Variants in CDH13 observed in about 807,000 individuals in gnomAD.
The protein encoded by CDH13 is cadherin-13.
Under a neutral mutation model 63.8 loss-of-function variants are expected in CDH13, and 24 were observed. That is an observed-to-expected ratio of 0.38 (90% CI 0.27 to 0.53). CDH13 has a LOEUF of 0.53. Ranked by LOEUF, CDH13 falls within the 20% of genes least tolerant of loss-of-function variation. CDH13 has a pLI of 0.85. For synonymous variants in CDH13, 503 were observed against 355.3 expected, an observed-to-expected ratio of 1.42 and a Z score of -4.67; for missense variants, 1,049 against 903.1, an observed-to-expected ratio of 1.16 and a Z score of -2.07.
intron 3 of CDH13, among the ~76,000 whole-genome samples, chr16:83,053,303 G>A (rs960127386): frequency 3.9e-5 from 6 of 152,174 alleles, no homozygotes; most frequent in East Asian, 3.9e-4. Flanking sequence ...ATTAGGTCTC[G>A]GGAGGTGTCA....
chr16:82,818,139 T>TGTGTGTGTG (rs1555523731), intron 1 of CDH13, among the ~76,000 whole-genome samples: 1 of 151,346 alleles, frequency 6.6e-6, no homozygotes, highest in African/African-American at 2.4e-5. Context: ...TGTGTGTGTG[T>TGTGTGTGTG]TTTGGGAAGA....
At chr16:83,108,486 A>G (rs569538625) in intron 3 of CDH13, among the ~76,000 whole-genome samples, 35 of 152,220 alleles carry the variant, frequency 2.3e-4, no homozygotes, top group Non-Finnish European at 4.8e-4. Context: ...CCCGCCTCAT[A>G]GATTGAATCC....
chr16:83,468,522 A>T (rs2073374596), intron 6 of CDH13, among the ~76,000 whole-genome samples: 1 of 152,216 alleles, frequency 6.6e-6, no homozygotes, highest in African/African-American at 2.4e-5. Flanking sequence ...CATCCCCAGG[A>T]AATAGATTTA....
At chr16:83,707,898 C>G (rs1168261943) in intron 10 of CDH13, among the ~76,000 whole-genome samples, 2 of 137,540 alleles carry the variant, frequency 1.5e-5, no homozygotes, top group African/African-American at 2.7e-5. Context: ...GGCAAGAATA[C>G]TTTATTTTCC....
chr16:83,565,194 C>T (rs555948611), intron 7 of CDH13, among the ~76,000 whole-genome samples: 2 of 152,146 alleles, frequency 1.3e-5, no homozygotes, highest in Admixed American at 6.5e-5. Flanking sequence ...ATTCAGATCT[C>T]GCCCAAGGCT....
chr16:83,694,986 C>T (rs773755090), intron 10 of CDH13, among the ~76,000 whole-genome samples: 7 of 152,104 alleles, frequency 4.6e-5, no homozygotes, highest in Non-Finnish European at 8.8e-5. Flanking sequence ...GTGGGCAGAT[C>T]ACTTGAGATC....
Position 83,799,410 on chromosome 16 carries a change from G to A in CDH13, c.*4380G>A, listed in dbSNP as rs1217211910. On this transcript the variant is annotated 3_prime_UTR_variant, in exon 14 of 14. Transcript: ENST00000567109. ...AAAACTGAGGGAGAAAGTGGGGTGGGGTCTCAAAGGGTTTGCACTGTGCTT... is the reference window on the plus strand; with the variant it reads ...AAAACTGAGGGAGAAAGTGGGGTGGAGTCTCAAAGGGTTTGCACTGTGCTT... The A allele has an allele frequency of 6.6e-6, 1 of 152,040 alleles. No individual in the cohort carries two copies. 9.4% of individuals were successfully genotyped at this position (152,040 alleles called of 1,614,324 possible).
chr16:82,696,360 T>C (rs944078514), intron 1 of CDH13, among the ~76,000 whole-genome samples: 2 of 152,154 alleles, frequency 1.3e-5, no homozygotes, highest in Non-Finnish European at 1.5e-5. Flanking sequence ...ACACAGTCAA[T>C]GTAAGTTAAT....
At chr16:83,300,351 G>A (rs2089704413) in intron 5 of CDH13, among the ~76,000 whole-genome samples, 1 of 152,230 alleles carries the variant, frequency 6.6e-6, no homozygotes, top group South Asian at 2.1e-4. Flanking sequence ...TGCTAAATGT[G>A]TACTTACTGT....
intron 6 of CDH13, among the ~76,000 whole-genome samples, chr16:83,388,000 T>G (rs1359790838): frequency 6.6e-6 from 1 of 152,226 alleles, no homozygotes; most frequent in Non-Finnish European, 1.5e-5. Flanking sequence ...TCTTATAGAC[T>G]CATTGGGTTT....
At chr16:83,757,351 G>A (rs968859372) in intron 11 of CDH13, among the ~76,000 whole-genome samples, 6 of 152,158 alleles carry the variant, frequency 3.9e-5, no homozygotes, top group African/African-American at 1.4e-4. Context: ...GCTGAGGCGG[G>A]TGAATCACCT....
intron 1 of CDH13, among the ~76,000 whole-genome samples, chr16:82,687,216 A>G (rs1183409001): frequency 4.6e-5 from 7 of 152,170 alleles, no homozygotes; most frequent in African/African-American, 9.7e-5. Flanking sequence ...GTGAACAGTG[A>G]TGGAAGGTGT....
intron 1 of CDH13, among the ~76,000 whole-genome samples, chr16:82,775,880 T>G (rs1439995710): frequency 1.3e-5 from 2 of 152,106 alleles, no homozygotes; most frequent in African/African-American, 4.8e-5. Context: ...GCTCTTTTTT[T>G]GTGAATGGAT....
intron 6 of CDH13, among the ~76,000 whole-genome samples, chr16:83,350,533 C>G (rs1212412822): frequency 6.8e-6 from 1 of 146,102 alleles, no homozygotes; most frequent in Non-Finnish European, 1.5e-5. Flanking sequence ...TTCCCTCCCT[C>G]TCTTTCCTGT....
At chr16:82,732,641 G>T (rs1026320792) in intron 1 of CDH13, among the ~76,000 whole-genome samples, 3 of 152,172 alleles carry the variant, frequency 2.0e-5, no homozygotes, top group Non-Finnish European at 4.4e-5. Context: ...TATCCCAAAA[G>T]CCAAGAGATA....
Position 83,435,982 on chromosome 16 carries a change from T to C in CDH13, c.782-50495T>C, listed in dbSNP as rs187321597. 3.5e-3 allele frequency among the ~76,000 whole-genome samples: 537 copies of C among 152,324 alleles called. 6 individuals are homozygous for C. The highest frequency in any genetic ancestry group is 0.012 in the African/African-American group (519 of 41,574). On this transcript the variant is annotated intron_variant, in intron 6 of 13. Coordinates refer to ENST00000567109, the MANE Select transcript of CDH13 (RefSeq NM_001257.5). ...AAAGCTATTGAGAGTTTGTCCATGA[T>C]CCCCAAGGATACATTTGACAATGTC...
At chr16:83,060,760 A>G (rs1439836759) in intron 3 of CDH13, among the ~76,000 whole-genome samples, 2 of 152,148 alleles carry the variant, frequency 1.3e-5, no homozygotes, top group African/African-American at 2.4e-5. Context: ...AGCAGGTAAT[A>G]ACTGTCTTAT....
At chr16:83,263,784 C>G (rs907116181) in intron 5 of CDH13, among the ~76,000 whole-genome samples, 1 of 152,154 alleles carries the variant, frequency 6.6e-6, no homozygotes, top group Non-Finnish European at 1.5e-5. Context: ...TCAATCCCAG[C>G]CACTTAAGTT....
intron 5 of CDH13, among the ~76,000 whole-genome samples, chr16:83,248,097 A>G (rs1905143316): frequency 6.6e-6 from 1 of 152,138 alleles, no homozygotes; most frequent in South Asian, 2.1e-4. Flanking sequence ...GCGGGGTGCT[A>G]ATGAGATCAG....
Sources: gnomAD v4.1 joint callset for allele counts (sites outside exome capture counted in the v4.1 genomes callset) on GRCh38, gnomAD v4.1.1 for gene constraint, MANE v1.5 for transcripts, NCBI Gene and HGNC (gene_info 2026-07-23, HGNC 2026-07-21) for gene names.